IQCM: variants seen among roughly 807,000 people sequenced by gnomAD.
The protein encoded by IQCM is IQ motif containing M, also known as IQ domain-containing protein M.
IQCM carries 45 observed loss-of-function variants against 57.6 expected under a neutral mutation model. The observed-to-expected ratio is 0.78, with a 90% CI of 0.62 to 1.00. The LOEUF is 1.00. Ranked by LOEUF, IQCM falls within the 50% of genes least tolerant of loss-of-function variation. The pLI is 0.00. For missense variants in IQCM, 468 were observed against 511.6 expected (o/e 0.91, Z 0.82); for synonymous variants, 148 against 158.9 (o/e 0.93, Z 0.51).
At chr4:149,465,106 T>G (rs1215312264) in intron 12 of IQCM, among the ~76,000 whole-genome samples, 2 of 152,192 alleles carry the variant, frequency 1.3e-5, no homozygotes, top group East Asian at 1.9e-4. Context: ...TGATAACACA[T>G]TCAAGATGAT....
chr4:149,577,128 T>C (rs1044190471), intron 9 of IQCM, among the ~76,000 whole-genome samples: 1 of 152,036 alleles, frequency 6.6e-6, no homozygotes, highest in Non-Finnish European at 1.5e-5. Context: ...ATTCTGGATA[T>C]TAGACCTCTG....
intron 5 of IQCM, among the ~76,000 whole-genome samples, chr4:149,720,950 C>A (rs1004650150): frequency 6.6e-6 from 1 of 152,086 alleles, no homozygotes; most frequent in Non-Finnish European, 1.5e-5. Flanking sequence ...CTAGTTTCCA[C>A]TTTTTTTATA....
At chr4:149,624,169 T>C (rs570043169) in intron 7 of IQCM, among the ~76,000 whole-genome samples, 113 of 151,756 alleles carry the variant, frequency 7.4e-4, no homozygotes, top group East Asian at 5.4e-3. Flanking sequence ...TGTGTGTGTG[T>C]GCGCGCGCAT....
intron 12 of IQCM, among the ~76,000 whole-genome samples, chr4:149,502,359 G>C (rs1325156657): frequency 6.6e-6 from 1 of 152,088 alleles, no homozygotes; most frequent in African/African-American, 2.4e-5. Flanking sequence ...AAAGCACAAT[G>C]AGATAAGAGA....
chr4:149,598,958 C>T (rs1188767780), intron 8 of IQCM, among the ~76,000 whole-genome samples: 1 of 152,040 alleles, frequency 6.6e-6, no homozygotes, highest in African/African-American at 2.4e-5. Context: ...AGTTATAGAG[C>T]TCCCACTGCA....
In IQCM at chr4:149,509,437, C is replaced by T. The variant is rs200240159; in HGVS notation, c.1228+39018G>A. On this transcript the variant is annotated intron_variant, in intron 12 of 13. Transcript: ENST00000636793. ...GGAACTACAGGCATGCACAATTATGCTCAGCTTTTTTTTTCTTCTTTGCAG... is the reference window on the plus strand; with the variant it reads ...GGAACTACAGGCATGCACAATTATGTTCAGCTTTTTTTTTCTTCTTTGCAG... Among the ~76,000 whole-genome samples the T allele has an allele frequency of 1.2e-4, 19 of 152,096 alleles. No homozygotes were observed. The East Asian group carries it at 2.7e-3, about 22-fold the overall frequency.
At chr4:149,454,670 T>C (rs1202640258) in intron 12 of IQCM, among the ~76,000 whole-genome samples, 1 of 151,976 alleles carries the variant, frequency 6.6e-6, no homozygotes, top group African/African-American at 2.4e-5. Flanking sequence ...TATTATTTGG[T>C]AATAAAAAAC....
chr4:149,669,785 G>A (rs1031746579), intron 7 of IQCM, among the ~76,000 whole-genome samples: 1 of 152,148 alleles, frequency 6.6e-6, no homozygotes, highest in Non-Finnish European at 1.5e-5. Flanking sequence ...TCAGACGGTT[G>A]TAGGTGTGTG....
intron 12 of IQCM, among the ~76,000 whole-genome samples, chr4:149,546,303 C>T (rs914187095): frequency 4.6e-5 from 7 of 152,124 alleles, no homozygotes; most frequent in Non-Finnish European, 5.9e-5. Flanking sequence ...TTTATAGCAG[C>T]ATGATTTATA....
intron 9 of IQCM, among the ~76,000 whole-genome samples, chr4:149,576,125 A>G (rs1751623744): frequency 6.6e-6 from 1 of 151,798 alleles, no homozygotes; most frequent in African/African-American, 2.4e-5. Context: ...TTTTATTCCA[A>G]TTTAATCAAT....
At chr4:149,620,774 T>C (rs962130547) in intron 8 of IQCM, among the ~76,000 whole-genome samples, 17 of 152,236 alleles carry the variant, frequency 1.1e-4, no homozygotes, top group Non-Finnish European at 2.2e-4. Context: ...AACAGATGTC[T>C]ACATTCTACA....
At chr4:149,438,642 C>G (rs1041868177) in intron 12 of IQCM, among the ~76,000 whole-genome samples, 2 of 151,942 alleles carry the variant, frequency 1.3e-5, no homozygotes, top group Non-Finnish European at 2.9e-5. Flanking sequence ...AACGAGGATA[C>G]AAAGTTATCA....
intron 12 of IQCM, among the ~76,000 whole-genome samples, chr4:149,492,741 TC>T (rs1484309584): frequency 6.6e-5 from 10 of 152,052 alleles, no homozygotes; most frequent in African/African-American, 2.4e-4. Context: ...AGAGACAAGA[TC>T]CCCTTAGCAC....
At chr4:149,353,966 A>G (rs1258247060) in intron 13 of IQCM, among the ~76,000 whole-genome samples, 2 of 152,218 alleles carry the variant, frequency 1.3e-5, no homozygotes, top group African/African-American at 4.8e-5. Flanking sequence ...ATGATGTGAG[A>G]TGATGGCTAT....
chr4:149,775,391 C>A (rs1223882703), intron 2 of IQCM, among the ~76,000 whole-genome samples: 2 of 151,918 alleles, frequency 1.3e-5, no homozygotes, highest in African/African-American at 2.4e-5. Flanking sequence ...GCATTCATTG[C>A]AGTTCACCAG....
chr4:149,424,966 T>G (rs914400359), intron 13 of IQCM, among the ~76,000 whole-genome samples: 2 of 151,950 alleles, frequency 1.3e-5, no homozygotes, highest in African/African-American at 4.8e-5. Context: ...TTTCTTGCAG[T>G]TTAATGTGGA....
At chr4:149,422,086 C>T (rs1399530401) in intron 13 of IQCM, among the ~76,000 whole-genome samples, 1 of 151,886 alleles carries the variant, frequency 6.6e-6, no homozygotes, top group Non-Finnish European at 1.5e-5. Flanking sequence ...CACTATGCTG[C>T]AGTCTTGGTG....
intron 12 of IQCM, among the ~76,000 whole-genome samples, chr4:149,517,114 G>GAAAA (rs34555374): frequency 1.1e-3 from 90 of 83,772 alleles, no homozygotes; most frequent in Non-Finnish European, 1.6e-3. Flanking sequence ...ACTCCACCAG[G>GAAAA]AAAAAAAAAA....
chr4:149,619,103 GATGGAT>G (rs993016662), intron 8 of IQCM, among the ~76,000 whole-genome samples: 7 of 104,384 alleles, frequency 6.7e-5, no homozygotes, highest in East Asian at 3.2e-4. Context: ...AAAAATGTGG[GATGGAT>G]ATATATATAT....
Sources: allele counts gnomAD v4.1 joint callset (sites outside exome capture counted in the v4.1 genomes callset), GRCh38; gene constraint gnomAD v4.1.1; transcripts MANE v1.5; gene names NCBI Gene and HGNC (gene_info 2026-07-23, HGNC 2026-07-21).